Variants in ASAP2 observed in about 807,000 individuals in gnomAD.
ASAP2 encodes ArfGAP with SH3 domain, ankyrin repeat and PH domain 2.
Under a neutral mutation model 131.4 loss-of-function variants are expected in ASAP2, and 45 were observed. The observed-to-expected ratio is 0.34, with a 90% CI of 0.27 to 0.44. ASAP2 has a LOEUF of 0.44. Ranked by LOEUF, ASAP2 falls within the 20% of genes least tolerant of loss-of-function variation. The pLI is 1.00. For synonymous variants in ASAP2, 510 were observed against 503.0 expected (o/e 1.01, Z -0.19); for missense variants, 1,011 against 1,297.0 (o/e 0.78, Z 3.39).
At chr2:9,225,585 A>G (rs559461464) in intron 1 of ASAP2, among the ~76,000 whole-genome samples, 3 of 152,266 alleles carry the variant, frequency 2.0e-5, no homozygotes, top group African/African-American at 7.2e-5. Flanking sequence ...TCAGTTGGAA[A>G]TTGATTCAGA....
chr2:9,263,640 C>T (rs1276339694), intron 1 of ASAP2, among the ~76,000 whole-genome samples: 1 of 152,210 alleles, frequency 6.6e-6, no homozygotes, highest in East Asian at 1.9e-4. Context: ...CACAGACCTC[C>T]CGGGAGTGCC....
intron 1 of ASAP2, among the ~76,000 whole-genome samples, chr2:9,248,373 A>T (rs1664480094): frequency 1.4e-5 from 2 of 147,666 alleles, no homozygotes; most frequent in African/African-American, 2.5e-5. Context: ...TCTTGGTGTC[A>T]TTTTTTTTTT....
intron 1 of ASAP2, among the ~76,000 whole-genome samples, chr2:9,251,608 T>G (rs1202208111): frequency 6.6e-6 from 1 of 152,034 alleles, no homozygotes; most frequent in Non-Finnish European, 1.5e-5. Context: ...AGCTGGTGAG[T>G]TGGGGACTCA....
intron 2 of ASAP2, among the ~76,000 whole-genome samples, chr2:9,284,581 G>T (rs781270607): frequency 3.3e-5 from 5 of 152,128 alleles, no homozygotes; most frequent in Non-Finnish European, 7.3e-5. Context: ...AATTTAATAG[G>T]TCATAGGATT....
At chr2:9,271,208 C>A in intron 1 of ASAP2, 1 of 617,002 alleles carries the variant, frequency 1.6e-6, no homozygotes, top group Admixed American at 2.5e-5. Flanking sequence ...GGTTTTTAAA[C>A]TTGTGACAAG....
At chr2:9,209,544 A>G (rs897058545) in intron 1 of ASAP2, among the ~76,000 whole-genome samples, 2 of 152,260 alleles carry the variant, frequency 1.3e-5, no homozygotes, top group South Asian at 2.1e-4. Context: ...AAACAAATGA[A>G]TCACGGAACT....
intron 1 of ASAP2, among the ~76,000 whole-genome samples, chr2:9,258,793 A>G (rs987865295): frequency 6.6e-6 from 1 of 152,190 alleles, no homozygotes; most frequent in African/African-American, 2.4e-5. Flanking sequence ...GATGATCTTC[A>G]CTTTTACTTA....
intron 15 of ASAP2, among the ~76,000 whole-genome samples, chr2:9,367,636 C>G (rs1259693042): frequency 6.6e-6 from 1 of 151,984 alleles, no homozygotes. Flanking sequence ...TGGCGTGTGC[C>G]TATAGTCCCC....
At chr2:9,303,296 A>G (rs1352537093) in intron 3 of ASAP2, among the ~76,000 whole-genome samples, 2 of 152,152 alleles carry the variant, frequency 1.3e-5, no homozygotes, top group Non-Finnish European at 2.9e-5. Flanking sequence ...GTCCTGGACT[A>G]TTATTAGGTG....
intron 7 of ASAP2, among the ~76,000 whole-genome samples, chr2:9,331,283 CG>C (rs1670823249): frequency 6.6e-6 from 1 of 152,224 alleles, no homozygotes; most frequent in Non-Finnish European, 1.5e-5. Context: ...TTTTTCTTCT[CG>C]CTTTAAGTGT....
At chr2:9,210,202 G>A (rs186416392) in intron 1 of ASAP2, among the ~76,000 whole-genome samples, 10 of 152,334 alleles carry the variant, frequency 6.6e-5, no homozygotes, top group Middle Eastern at 3.4e-3. Context: ...TCTTAATGCC[G>A]AATTCTCTAA....
At chr2:9,379,238 G>A (rs1341419079) in intron 19 of ASAP2, among the ~76,000 whole-genome samples, 179 bp downstream of exon 19, 2 of 152,202 alleles carry the variant, frequency 1.3e-5, no homozygotes, top group African/African-American at 2.4e-5. Flanking sequence ...CCACGAGGCC[G>A]CATTCACCAT....
In ASAP2 at chr2:9,268,312, T is replaced by C. The variant is rs1453460680; in HGVS notation, c.127-11005T>C. On this transcript the variant is annotated intron_variant, in intron 1 of 27. Transcript: ENST00000281419. This position sits in a 1 kb window ranked among gnomAD's most constrained non-coding sequence, Gnocchi z 4.1. The stretch of plus-strand genomic sequence containing the variant: ...GACAGCCTGTCCATGTCTTCTGTTG[T>C]GGATGTATATTTACTCTGAGTAATT... Among the ~76,000 whole-genome samples, 8 of 152,190 alleles carry C rather than the reference T, an allele frequency of 5.3e-5. No homozygotes were observed.
At chr2:9,253,723 T>C (rs1015581281) in intron 1 of ASAP2, among the ~76,000 whole-genome samples, 1 of 152,196 alleles carries the variant, frequency 6.6e-6, no homozygotes, top group African/African-American at 2.4e-5. Context: ...GAGATTACAA[T>C]GTTACATGTA....
chr2:9,387,170 C>T (rs768897360), intron 21 of ASAP2, among the ~76,000 whole-genome samples: 1 of 142,120 alleles, frequency 7.0e-6, no homozygotes, highest in African/African-American at 2.8e-5. Context: ...GCTGGGATTG[C>T]GCCACTGCAT....
At chr2:9,382,736 G>A (rs139453791) in intron 20 of ASAP2, among the ~76,000 whole-genome samples, 1 of 152,220 alleles carries the variant, frequency 6.6e-6, no homozygotes, top group Admixed American at 6.5e-5. Flanking sequence ...TTTTCTGTAC[G>A]GTTACACTGT....
chr2:9,372,109 T>C lies in ASAP2; in HGVS notation c.1557-2646T>C, dbSNP rs189214584. ...AAAAACAAGTAAAGGAAGTCCACTT[T>C]CTCTCTATCCCTTTCCTGTGGAGGT... is the stretch of plus-strand genomic sequence containing the variant. On this transcript the variant is annotated intron_variant, in intron 16 of 27. Coordinates refer to ENST00000281419, the MANE Select transcript of ASAP2 (RefSeq NM_003887.3). Among the ~76,000 whole-genome samples the C allele has an allele frequency of 4.6e-5, 7 of 152,214 alleles. No individual in the cohort carries two copies. In the East Asian group the frequency reaches 1.4e-3, roughly 29 times the overall value.
chr2:9,405,545 T>C lies in ASAP2; in HGVS notation c.*2218T>C, dbSNP rs1024931317. ...TTACTTTGGTTGCAGCACAACTGTA[T>C]ATATTGTATAACCGAAATTGATTAT... On this transcript the variant is annotated 3_prime_UTR_variant, in exon 28 of 28. Coordinates refer to ENST00000281419, the MANE Select transcript of ASAP2 (RefSeq NM_003887.3). The C allele has an allele frequency of 6.6e-6, 1 of 152,642 alleles. No individual in the cohort carries two copies. Among genetic ancestry groups the C allele is most frequent in the African/African-American group, 2.4e-5 (1 of 41,458 alleles). The allele number at this position is 152,642 out of a possible 1,614,324, so 9.5% of individuals were successfully genotyped here. A position where few individuals can be genotyped will look rare whatever the true frequency, so the allele number is the denominator to read the frequency against.
chr2:9,230,799 A>G (rs1273406258), intron 1 of ASAP2, among the ~76,000 whole-genome samples: 1 of 152,234 alleles, frequency 6.6e-6, no homozygotes, highest in African/African-American at 2.4e-5. Context: ...TAAGCAGACC[A>G]GATTTATAAG....
Sources: gnomAD v4.1 joint callset for allele counts (sites outside exome capture counted in the v4.1 genomes callset) on GRCh38, gnomAD v4.1.1 for gene constraint, Gnocchi (gnomAD v3.1) non-coding constraint, MANE v1.5 for transcripts, NCBI Gene and HGNC (gene_info 2026-07-23, HGNC 2026-07-21) for gene names.